Variants in CDC40 observed in about 807,000 individuals in gnomAD.
CDC40 encodes the protein pre-mRNA-processing factor 17.
A neutral mutation model predicts 80.6 loss-of-function variants in CDC40; 27 were observed. The observed-to-expected ratio is 0.33, with a 90% CI of 0.25 to 0.46. CDC40 has a LOEUF of 0.46. CDC40 is among the 20% of genes least tolerant of loss of function. The pLI, the probability that CDC40 is intolerant of heterozygous loss-of-function variation, is 1.00. For synonymous variants in CDC40, 221 were observed against 232.6 expected (o/e 0.95, Z 0.45); for missense variants, 486 against 694.1 (o/e 0.70, Z 3.37).
chr6:110,204,292 A>G (rs538304532), intron 3 of CDC40, among the ~76,000 whole-genome samples: 1 of 152,244 alleles, frequency 6.6e-6, no homozygotes, highest in African/African-American at 2.4e-5. Flanking sequence ...GATTACAGGC[A>G]TGAGCCACCG....
intron 3 of CDC40, among the ~76,000 whole-genome samples, chr6:110,206,231 C>T (rs532348530): frequency 1.2e-3 from 181 of 152,162 alleles, no homozygotes; most frequent in African/African-American, 3.4e-3. Context: ...TACACCTCCC[C>T]GGTTCACACC....
rs199719093 is a variant in CDC40, at chr6:110,209,273, A to G, written c.630+50A>G. On this transcript the variant is annotated intron_variant, in intron 5 of 14. Coordinates refer to ENST00000307731, the MANE Select transcript of CDC40 (RefSeq NM_015891.3). Reference sequence around the variant, plus strand: ...CAATTCAGGTATACGCTGTATCTCTATGAAGGATATCTACATTAATAAACT... The same window carrying G: ...CAATTCAGGTATACGCTGTATCTCTGTGAAGGATATCTACATTAATAAACT... The G allele has an allele frequency of 1.6e-4, 234 of 1,503,344 alleles. No homozygotes were observed. In the African/African-American group the frequency reaches 2.8e-3, roughly 18 times the overall value. 93.1% of individuals were successfully genotyped at this position (1,503,344 alleles called of 1,614,324 possible).
intron 5 of CDC40, 42 bp downstream of exon 5, chr6:110,209,265 G>A: frequency 1.9e-6 from 3 of 1,545,006 alleles, no homozygotes; most frequent in South Asian, 1.1e-5. Context: ...GGTATACGCT[G>A]TATCTCTATG....
intron 1 of CDC40, among the ~76,000 whole-genome samples, chr6:110,189,386 G>C (rs1227588893): frequency 3.3e-5 from 5 of 152,138 alleles, no homozygotes; most frequent in Non-Finnish European, 5.9e-5. Context: ...GACAGTGCCT[G>C]GCACATAGTA....
intron 5 of CDC40, 157 bp downstream of exon 5, chr6:110,209,380 G>T: frequency 1.5e-5 from 8 of 532,274 alleles, no homozygotes; most frequent in South Asian, 3.0e-5. Flanking sequence ...AAATTTATTT[G>T]TTTTTCTTTG....
At chr6:110,219,932 A>G in intron 12 of CDC40, 63 bp downstream of exon 12, 1 of 1,531,746 alleles carries the variant, frequency 6.5e-7, no homozygotes, top group Admixed American at 1.9e-5. Context: ...TTATATAGAC[A>G]AAGATGAAGC....
intron 3 of CDC40, among the ~76,000 whole-genome samples, chr6:110,202,128 A>G (rs1439233261): frequency 6.6e-6 from 1 of 152,226 alleles, no homozygotes; most frequent in Non-Finnish European, 1.5e-5. Flanking sequence ...GGGTATCAGG[A>G]AAGAGAATAG....
chr6:110,219,080 C>T (rs543673022), intron 10 of CDC40, among the ~76,000 whole-genome samples: 1 of 152,234 alleles, frequency 6.6e-6, no homozygotes, highest in African/African-American at 2.4e-5. Flanking sequence ...TCCCTCATGG[C>T]TTGTACCAGT....
At chr6:110,199,250 C>T (rs2114655670) in intron 2 of CDC40, among the ~76,000 whole-genome samples, 1 of 152,250 alleles carries the variant, frequency 6.6e-6, no homozygotes, top group African/African-American at 2.4e-5. Flanking sequence ...ATGGATCTGT[C>T]TTTGTATAGA....
intron 12 of CDC40, chr6:110,224,241 A>G (rs376222614): frequency 2.3e-4 from 35 of 152,286 alleles, no homozygotes; most frequent in African/African-American, 8.4e-4. Context: ...ACTACTGTTT[A>G]TCATTTAGCT....
intron 14 of CDC40, among the ~76,000 whole-genome samples, chr6:110,229,520 T>C (rs1183486140): frequency 6.6e-6 from 1 of 152,204 alleles, no homozygotes; most frequent in Non-Finnish European, 1.5e-5. Context: ...AGCCTAGTAA[T>C]TGGGCCTACC....
intron 1 of CDC40, among the ~76,000 whole-genome samples, chr6:110,187,928 A>T (rs935541782): frequency 6.6e-6 from 1 of 152,208 alleles, no homozygotes; most frequent in African/African-American, 2.4e-5. Context: ...TGAATGCCTC[A>T]TGGGTATTAA....
intron 1 of CDC40, among the ~76,000 whole-genome samples, chr6:110,185,081 C>T (rs964047410): frequency 6.6e-6 from 1 of 151,970 alleles, no homozygotes; most frequent in Non-Finnish European, 1.5e-5. Context: ...AACATTGAAA[C>T]GTAATGAAAC....
intron 2 of CDC40, among the ~76,000 whole-genome samples, chr6:110,199,289 T>G (rs2114655702): frequency 6.6e-6 from 1 of 152,264 alleles, no homozygotes; most frequent in Non-Finnish European, 1.5e-5. Context: ...CTGATAATTT[T>G]TCTTTAAAAA....
chr6:110,210,395 A>G (rs1777622020), intron 5 of CDC40, among the ~76,000 whole-genome samples: 1 of 132,494 alleles, frequency 7.5e-6, no homozygotes, highest in South Asian at 2.3e-4. Context: ...ACTAAAACAG[A>G]AAAAATTAGC....
chr6:110,202,716 G>A (rs1299097662), intron 3 of CDC40, among the ~76,000 whole-genome samples: 2 of 152,052 alleles, frequency 1.3e-5, no homozygotes, highest in East Asian at 3.9e-4. Flanking sequence ...TTAAGTATCT[G>A]GTGATTTTTG....
intron 1 of CDC40, among the ~76,000 whole-genome samples, chr6:110,188,151 C>G (rs188924174): frequency 2.0e-5 from 3 of 152,128 alleles, no homozygotes. Flanking sequence ...TGTCATGATA[C>G]TCTTCAAAAT....
chr6:110,231,794 A>ATTT lies in CDC40; in HGVS notation c.*1663_*1664insTTT, dbSNP rs2114677669. On this transcript the variant is annotated 3_prime_UTR_variant, in exon 15 of 15. Transcript: ENST00000307731. ...CTGTTTTTAGAAATTTAGATTTTAA[A>ATTT]AGGCGTGGGACATACGACCAGGCCC... is the stretch of plus-strand genomic sequence containing the variant. The ATTT allele has an allele frequency of 6.8e-6, 1 of 148,080 alleles. No homozygotes were observed. Among genetic ancestry groups the ATTT allele is most frequent in the South Asian group, 2.2e-4 (1 of 4,486 alleles). 9.2% of individuals were successfully genotyped at this position (148,080 alleles called of 1,614,324 possible).
chr6:110,195,730 G>T (rs1040220874), intron 2 of CDC40, among the ~76,000 whole-genome samples: 9 of 152,060 alleles, frequency 5.9e-5, no homozygotes, highest in African/African-American at 2.2e-4. Context: ...TTCAAGAAGA[G>T]AACAAACAGC....
Sources: gnomAD v4.1 joint callset for allele counts (sites outside exome capture counted in the v4.1 genomes callset) on GRCh38, gnomAD v4.1.1 for gene constraint, MANE v1.5 for transcripts, NCBI Gene and HGNC (gene_info 2026-07-23, HGNC 2026-07-21) for gene names.